DCP2: variants seen among roughly 807,000 people sequenced by gnomAD.
DCP2 encodes the protein decapping mRNA 2.
In DCP2, 30 loss-of-function variants were observed where a neutral mutation model predicts 56.1. The ratio of observed to expected loss-of-function variants is 0.53; its 90% confidence interval spans 0.40 to 0.73. The LOEUF is 0.73. DCP2 is among the 30% of genes least tolerant of loss of function. The pLI, the probability that DCP2 is intolerant of heterozygous loss-of-function variation, is 0.00. For synonymous variants in DCP2, 197 were observed against 163.3 expected (o/e 1.21, Z -1.57); for missense variants, 533 against 502.7 (o/e 1.06, Z -0.58).
rs756878494 is a variant in DCP2 at position 113,001,406 on chromosome 5, T to A, written c.635T>A (p.Met212Lys). 6.2e-7 allele frequency: 1 copy of A among 1,614,058 alleles called. No individual in the cohort carries two copies. Among genetic ancestry groups the A allele is most frequent in the Non-Finnish European group, 8.5e-7 (1 of 1,180,006 alleles). ...AAATTGCCTTGTCATAGAAATGATATGACCCCCAAATCCAAACTTGGTTTG... is the reference window on the plus strand; with the variant it reads ...AAATTGCCTTGTCATAGAAATGATAAGACCCCCAAATCCAAACTTGGTTTG... ...IEKLPCHRND[M>K]TPKSKLGLAP... The change falls in exon 6 of 11, where the codon ATG (methionine) becomes AAG (lysine). Residue 212 changes from methionine (M) to lysine (K), a missense_variant. By Grantham distance (95) the Met-to-Lys change is moderately conservative. This residue lies in a region of DCP2 where 392 missense variants were observed against 346.6 expected (regional missense o/e 1.13). Transcript: ENST00000389063.
At chr5:112,995,767 G>T (rs766867611) in intron 4 of DCP2, among the ~76,000 whole-genome samples, 1 of 152,188 alleles carries the variant, frequency 6.6e-6, no homozygotes, top group South Asian at 2.1e-4. Flanking sequence ...GACCGACTTT[G>T]TCGTAAAGTT....
chr5:113,010,947 T>A, intron 10 of DCP2, 140 bp downstream of exon 10: 1 of 836,198 alleles, frequency 1.2e-6, no homozygotes, highest in Non-Finnish European at 1.8e-6. Flanking sequence ...AGAGTTCATG[T>A]ATGTAGAGTT....
Position 112,980,324 on chromosome 5 carries a change from C to G in DCP2, c.53+3338C>G, listed in dbSNP as rs1021919141. 3.9e-5 allele frequency among the ~76,000 whole-genome samples: 6 copies of G among 152,160 alleles called. 1 individual carries two copies. In the South Asian group the frequency reaches 1.0e-3, roughly 26 times the overall value. On this transcript the variant is annotated intron_variant, in intron 1 of 10. Coordinates refer to ENST00000389063, the MANE Select transcript of DCP2 (RefSeq NM_152624.6). ...AAAGAAGAAAGGTATTTTCTGGCAA[C>G]TAGTGTTGCTGCTATTTTGGTGATA...
At chr5:112,998,794 G>GT (rs1308512757) in intron 4 of DCP2, among the ~76,000 whole-genome samples, 1 of 152,216 alleles carries the variant, frequency 6.6e-6, no homozygotes, top group Non-Finnish European at 1.5e-5. Flanking sequence ...AATTGCAAAC[G>GT]TAATGCCCCT....
chr5:112,991,992 A>G, intron 2 of DCP2, 129 bp from the exon 3 acceptor site: 1 of 1,369,602 alleles, frequency 7.3e-7, no homozygotes. Flanking sequence ...CCAAAATGCT[A>G]CACTTAAATG....
intron 4 of DCP2, among the ~76,000 whole-genome samples, chr5:112,999,171 A>G (rs140025026): frequency 4.6e-5 from 7 of 152,326 alleles, no homozygotes; most frequent in South Asian, 2.1e-4. Context: ...AGATTATACA[A>G]TTTACTTTTA....
chr5:112,989,468 T>C (rs1353078755), intron 2 of DCP2, among the ~76,000 whole-genome samples: 3 of 151,808 alleles, frequency 2.0e-5, no homozygotes, highest in African/African-American at 7.3e-5. Flanking sequence ...AGAAGCCTTC[T>C]CTGAGATAGT....
At position 113,004,040 on chromosome 5, in the gene DCP2, A is replaced by C; in HGVS notation, c.905A>C (p.Asn302Thr). ...HRQPLQQKPYNNHSEMSDLLK... is the reference protein window; with the variant it reads ...HRQPLQQKPYTNHSEMSDLLK... ...CAACCACTGCAGCAAAAGCCATATAATAATCATTCTGAAATGTCTGACCTT... is the reference window on the plus strand; with the variant it reads ...CAACCACTGCAGCAAAAGCCATATACTAATCATTCTGAAATGTCTGACCTT... Residue 302 changes from asparagine (N) to threonine (T), a missense_variant, in exon 8 of 11, where the codon AAT (asparagine) becomes ACT (threonine). Asn to Thr is a moderately conservative substitution (Grantham distance 65). Coordinates refer to ENST00000389063, the MANE Select transcript of DCP2 (RefSeq NM_152624.6). The C allele has an allele frequency of 6.2e-7, 1 of 1,614,174 alleles. No homozygotes were observed. The highest frequency in any genetic ancestry group is 1.1e-5 in the South Asian group (1 of 91,082).
intron 10 of DCP2, among the ~76,000 whole-genome samples, chr5:113,013,070 A>T (rs111661470): frequency 1.4e-4 from 21 of 152,340 alleles, no homozygotes; most frequent in African/African-American, 4.8e-4. Context: ...TTTGAAAGCA[A>T]AGGAATGTCA....
intron 7 of DCP2, among the ~76,000 whole-genome samples, chr5:113,003,444 CGT>C (rs1749273350): frequency 6.6e-6 from 1 of 151,940 alleles, no homozygotes; most frequent in Admixed American, 6.6e-5. Flanking sequence ...GGCATGGTGG[CGT>C]GTGTCTGTAG....
At chr5:112,993,639 A>G (rs1007500596) in intron 4 of DCP2, among the ~76,000 whole-genome samples, 1 of 132,448 alleles carries the variant, frequency 7.6e-6, no homozygotes, top group Non-Finnish European at 1.6e-5. Context: ...AAAAAAAAAA[A>G]CCAAAAAAAA....
At chr5:112,984,641 G>A (rs529771800) in intron 1 of DCP2, 151 of 143,478 alleles carry the variant, frequency 1.1e-3, no homozygotes, top group African/African-American at 3.9e-3. Context: ...TGATTAAAAT[G>A]CCTTTTGCTA....
Position 113,016,992 on chromosome 5 carries a change from C to T in DCP2, c.*3508C>T, listed in dbSNP as rs1158308597. 2 of 152,230 alleles carry T rather than the reference C, an allele frequency of 1.3e-5. No homozygotes were observed. The highest frequency in any genetic ancestry group is 2.9e-5 in the Non-Finnish European group (2 of 68,116). The allele number at this position is 152,230 out of a possible 1,614,324, so 9.4% of individuals were successfully genotyped here. The stretch of plus-strand genomic sequence containing the variant: ...AAGTAGCTGGGATTACAGGCATGCG[C>T]CACCACGCCCTGCTAATTCTGTCTT... On this transcript the variant is annotated 3_prime_UTR_variant, in exon 11 of 11. Transcript: ENST00000389063.
intron 9 of DCP2, among the ~76,000 whole-genome samples, chr5:113,009,921 CTTTT>C (rs564861668): frequency 7.3e-6 from 1 of 136,116 alleles, no homozygotes. Context: ...CTTTTTTTTC[CTTTT>C]TTTTTTTTTT....
chr5:112,977,668 C>A (rs1344083383), intron 1 of DCP2, among the ~76,000 whole-genome samples: 1 of 152,144 alleles, frequency 6.6e-6, no homozygotes, highest in Non-Finnish European at 1.5e-5. Flanking sequence ...AGGGTGTATA[C>A]TTCAGATGAG....
At chr5:112,981,048 G>T (rs1295716731) in intron 1 of DCP2, among the ~76,000 whole-genome samples, 1 of 151,834 alleles carries the variant, frequency 6.6e-6, no homozygotes, top group Non-Finnish European at 1.5e-5. Flanking sequence ...TTAGAGACAG[G>T]GTCTTGCACC....
chr5:112,997,971 G>A (rs1748944959), intron 4 of DCP2, among the ~76,000 whole-genome samples: 1 of 152,116 alleles, frequency 6.6e-6, no homozygotes, highest in South Asian at 2.1e-4. Context: ...TAACATTTGA[G>A]AAGTTGATAC....
intron 9 of DCP2, 78 bp downstream of exon 9, chr5:113,008,120 A>C (rs1213761309): frequency 1.7e-6 from 2 of 1,201,210 alleles, no homozygotes; most frequent in Non-Finnish European, 2.4e-6. Flanking sequence ...AAAGCACAGG[A>C]ATGTTACTTG....
At chr5:113,010,243 A>G (rs1749625162) in intron 9 of DCP2, among the ~76,000 whole-genome samples, 1 of 142,886 alleles carries the variant, frequency 7.0e-6, no homozygotes, top group Non-Finnish European at 1.5e-5. Context: ...AATAGGTCTC[A>G]CCATGTTACC....
Sources: allele counts gnomAD v4.1 joint callset (sites outside exome capture counted in the v4.1 genomes callset), GRCh38; gene constraint gnomAD v4.1.1; regional missense constraint gnomAD v4.1.1; transcripts MANE v1.5; gene names NCBI Gene and HGNC (gene_info 2026-07-23, HGNC 2026-07-21).